Variants in FKBP9 observed in about 807,000 individuals in gnomAD.
FKBP9 encodes FKBP prolyl isomerase 9.
A neutral mutation model predicts 55.6 loss-of-function variants in FKBP9; 27 were observed. That is an observed-to-expected ratio of 0.49 (90% confidence interval 0.36 to 0.67). The LOEUF is 0.67. FKBP9 is among the 30% of genes least tolerant of loss of function. The pLI is 0.00. For synonymous variants in FKBP9, 267 were observed against 296.5 expected, an observed-to-expected ratio of 0.90 and a Z score of 1.02; for missense variants, 539 against 742.8, an observed-to-expected ratio of 0.73 and a Z score of 3.19.
At chr7:32,960,314 C>T (rs1783996557) in intron 1 of FKBP9, among the ~76,000 whole-genome samples, 2 of 151,802 alleles carry the variant, frequency 1.3e-5, no homozygotes, top group Admixed American at 1.3e-4. Context: ...GAGGTTTCAC[C>T]ATGTTGGCCA....
chr7:32,996,444 C>T (rs1784788224), intron 7 of FKBP9, 95 bp downstream of exon 7: 1 of 726,568 alleles, frequency 1.4e-6, no homozygotes, highest in African/African-American at 1.8e-5. Context: ...TGGTTGAGAG[C>T]TTTTATCTCC....
At chr7:32,974,068 A>T (rs1013723530) in intron 1 of FKBP9, among the ~76,000 whole-genome samples, 7 of 151,466 alleles carry the variant, frequency 4.6e-5, no homozygotes, top group African/African-American at 1.5e-4. Flanking sequence ...CAGTGGTGCA[A>T]TCATAGCTCA....
At chr7:32,976,950 A>C (rs1004095935) in intron 4 of FKBP9, among the ~76,000 whole-genome samples, 1 of 152,178 alleles carries the variant, frequency 6.6e-6, no homozygotes, top group African/African-American at 2.4e-5. Flanking sequence ...GTGAAATGAG[A>C]CTTGAATTAG....
intron 1 of FKBP9, among the ~76,000 whole-genome samples, chr7:32,972,008 A>C (rs1389110813): frequency 1.4e-5 from 1 of 69,700 alleles, no homozygotes; most frequent in Non-Finnish European, 3.7e-5. Context: ...GTGAATGAAA[A>C]AAATATTTTT....
intron 1 of FKBP9, among the ~76,000 whole-genome samples, chr7:32,973,040 T>C (rs1383997379): frequency 1.3e-5 from 2 of 152,188 alleles, no homozygotes; most frequent in African/African-American, 4.8e-5. Context: ...TGCCCTTTAC[T>C]CTTATTGTAT....
chr7:32,990,420 T>G (rs1784657808), intron 6 of FKBP9, among the ~76,000 whole-genome samples: 1 of 152,226 alleles, frequency 6.6e-6, no homozygotes, highest in African/African-American at 2.4e-5. Flanking sequence ...AATTTATGCT[T>G]CTGCCTTCCA....
Position 32,957,621 on chromosome 7 carries a change from G to C in FKBP9, c.48G>C (p.Leu16=), listed in dbSNP as rs1362716251. The change falls in exon 1 of 10, where the codon CTG becomes CTC. Residue 16 remains leucine, a synonymous_variant. Transcript: ENST00000242209. ...WRPPPPPLLL[L]LLWVTGQAAP... is the part of the protein sequence containing the mutation. Reference sequence around the variant, plus strand: ...CCCCGCCGCCACCGCTGCTCCTGCTGCTGCTCTGGGTGACCGGGCAGGCAG... The same window carrying C: ...CCCCGCCGCCACCGCTGCTCCTGCTCCTGCTCTGGGTGACCGGGCAGGCAG... 2 of 1,489,136 alleles carry C rather than the reference G, an allele frequency of 1.3e-6. No individual in the cohort carries two copies. The highest frequency in any genetic ancestry group is 1.8e-6 in the Non-Finnish European group (2 of 1,128,034). The allele number at this position is 1,489,136 out of a possible 1,614,324, so 92.2% of individuals were successfully genotyped here.
intron 4 of FKBP9, 98 bp downstream of exon 4, chr7:32,976,597 G>A (rs1463261001): frequency 3.2e-5 from 47 of 1,488,506 alleles, no homozygotes; most frequent in Middle Eastern, 2.0e-4. Context: ...TAGACCTTTC[G>A]GTCTAGACCT....
Position 32,976,447 on chromosome 7 carries a change from G to C in FKBP9, c.651G>C (p.Glu217Asp), listed in dbSNP as rs747725534. 225 of 1,613,658 alleles carry C rather than the reference G, an allele frequency of 1.4e-4. 2 individuals are homozygous for C. The highest frequency in any genetic ancestry group is 4.8e-4 in the Admixed American group (29 of 59,980). ...DKGLLGMCVG[E>D]KRIITIPPFL... ...GGCTGCTGGGGATGTGTGTGGGTGA[G>C]AAGCGCATCATCACCATTCCTCCTT... The change falls in exon 4 of 10, where the codon GAG becomes GAC. Residue 217 changes from glutamate (E) to aspartate (D), a missense_variant. Glu to Asp is a conservative substitution (Grantham distance 45). Around this residue, in one of 4 missense-constraint regions of FKBP9, gnomAD observed 29 missense variants for 65.3 expected, o/e 0.44. Transcript: ENST00000242209.
chr7:32,992,450 C>T, intron 6 of FKBP9, among the ~76,000 whole-genome samples: 1 of 152,238 alleles, frequency 6.6e-6, no homozygotes, highest in East Asian at 1.9e-4. Flanking sequence ...TTAAGTTTTT[C>T]TCATCTGTAT....
At chr7:32,976,712 C>T (rs571317241) in intron 4 of FKBP9, among the ~76,000 whole-genome samples, 2 of 152,256 alleles carry the variant, frequency 1.3e-5, no homozygotes, top group Admixed American at 6.5e-5. Context: ...ACCCAATAGC[C>T]TCACGTTGCT....
chr7:33,000,297 C>T lies in FKBP9; in HGVS notation c.1372+37C>T, dbSNP rs543328342. 49 of 1,541,910 alleles carry T rather than the reference C, an allele frequency of 3.2e-5. No homozygotes were observed. The East Asian group carries it at 3.4e-4, about 11-fold the overall frequency. ...ACGCTATTCAAGGGTGTTGGGGGCC[C>T]GCTTACTATCTGAATTTTGTGCTTT... On this transcript the variant is annotated intron_variant, in intron 8 of 9. Coordinates refer to ENST00000242209, the MANE Select transcript of FKBP9 (RefSeq NM_007270.5).
At chr7:32,980,604 G>A in intron 5 of FKBP9, 51 bp downstream of exon 5, 1 of 1,587,422 alleles carries the variant, frequency 6.3e-7, no homozygotes, top group Non-Finnish European at 8.6e-7. Flanking sequence ...ATTAAATAAA[G>A]TCTGCCATTG....
chr7:32,989,299 C>A (rs1293856226), intron 6 of FKBP9, among the ~76,000 whole-genome samples: 5 of 152,142 alleles, frequency 3.3e-5, no homozygotes, highest in African/African-American at 1.2e-4. Context: ...TTTTGTCACC[C>A]TCATACCACA....
intron 4 of FKBP9, 40 bp downstream of exon 4, chr7:32,976,539 T>C (rs757883393): frequency 6.4e-7 from 1 of 1,554,978 alleles, no homozygotes; most frequent in Non-Finnish European, 8.7e-7. Context: ...TTTCCTACCC[T>C]TATTTTTATT....
chr7:32,978,352 C>A (rs973477287), intron 4 of FKBP9, among the ~76,000 whole-genome samples: 5 of 151,994 alleles, frequency 3.3e-5, no homozygotes, highest in African/African-American at 9.7e-5. Context: ...TTCTCCCCCC[C>A]ACTGAGATAT....
At chr7:32,971,684 G>GTAGAGA (rs1784257920) in intron 1 of FKBP9, among the ~76,000 whole-genome samples, 1 of 152,144 alleles carries the variant, frequency 6.6e-6, no homozygotes, top group Non-Finnish European at 1.5e-5. Flanking sequence ...ATTTCACAAT[G>GTAGAGA]TTGCCCAAGC....
At chr7:32,987,911 G>A (rs1784607777) in intron 5 of FKBP9, among the ~76,000 whole-genome samples, 1 of 152,134 alleles carries the variant, frequency 6.6e-6, no homozygotes, top group Admixed American at 6.5e-5. Flanking sequence ...TGGGCACGGT[G>A]GCTCATACCT....
At chr7:32,967,335 A>G (rs945160189) in intron 1 of FKBP9, among the ~76,000 whole-genome samples, 1 of 152,222 alleles carries the variant, frequency 6.6e-6, no homozygotes, top group Non-Finnish European at 1.5e-5. Context: ...GAATTTTTCC[A>G]TCTTGCAAAA....
Sources: gnomAD v4.1 joint callset for allele counts (sites outside exome capture counted in the v4.1 genomes callset) on GRCh38, gnomAD v4.1.1 for gene constraint, gnomAD v4.1.1 regional missense constraint, MANE v1.5 for transcripts, NCBI Gene and HGNC (gene_info 2026-07-23, HGNC 2026-07-21) for gene names.